RERE: variants seen among roughly 807,000 people sequenced by gnomAD.
RERE encodes arginine-glutamic acid dipeptide repeats.
In RERE, 40 loss-of-function variants were observed where a neutral mutation model predicts 146.1. That is an observed-to-expected ratio of 0.27 (90% CI 0.21 to 0.36). RERE has a LOEUF of 0.36. RERE is among the 10% of genes least tolerant of loss of function. The pLI, the probability that RERE is intolerant of heterozygous loss-of-function variation, is 1.00. For missense variants in RERE, 1,933 were observed against 2,138.7 expected (o/e 0.90, Z 1.90); for synonymous variants, 1,003 against 866.0 (o/e 1.16, Z -2.78).
chr1:8,580,106 GACA>G (rs1646345736), intron 4 of RERE, among the ~76,000 whole-genome samples: 2 of 152,202 alleles, frequency 1.3e-5, no homozygotes, highest in African/African-American at 4.8e-5. Flanking sequence ...TGACATTATA[GACA>G]ACGTCAAGTA....
At chr1:8,711,007 A>T (rs1410278243) in intron 1 of RERE, among the ~76,000 whole-genome samples, 1 of 151,774 alleles carries the variant, frequency 6.6e-6, no homozygotes, top group Non-Finnish European at 1.5e-5. Flanking sequence ...AATTACAAAA[A>T]TTAGCTGGGC....
At chr1:8,393,135 A>G (rs1003838861) in intron 12 of RERE, among the ~76,000 whole-genome samples, 3 of 152,140 alleles carry the variant, frequency 2.0e-5, no homozygotes, top group African/African-American at 7.2e-5. Context: ...CAAAGACTCA[A>G]CCTACCAAGA....
intron 1 of RERE, among the ~76,000 whole-genome samples, chr1:8,800,372 G>A (rs1000212536): frequency 7.2e-5 from 11 of 152,036 alleles, no homozygotes. Context: ...ATTTAAATGT[G>A]TTTTAAAAAT....
intron 7 of RERE, among the ~76,000 whole-genome samples, chr1:8,539,995 T>G (rs1443261697): frequency 6.6e-6 from 1 of 152,210 alleles, no homozygotes; most frequent in Non-Finnish European, 1.5e-5. Flanking sequence ...TCTAGAAAAA[T>G]GTTCTCAATA....
At chr1:8,582,553 C>G (rs576854224) in intron 4 of RERE, among the ~76,000 whole-genome samples, 2 of 152,000 alleles carry the variant, frequency 1.3e-5, no homozygotes, top group African/African-American at 4.8e-5. Context: ...TTAAGGGTTA[C>G]TTTCTAAACC....
At chr1:8,640,012 G>C (rs1381188608) in intron 2 of RERE, among the ~76,000 whole-genome samples, 1 of 152,110 alleles carries the variant, frequency 6.6e-6, no homozygotes, top group Non-Finnish European at 1.5e-5. Flanking sequence ...GCACAGCTAG[G>C]CATGGTGATA....
intron 1 of RERE, among the ~76,000 whole-genome samples, chr1:8,726,147 CTTTTTTTTTTTTTTTTT>C (rs70985511): frequency 1.4e-5 from 1 of 69,406 alleles, no homozygotes; most frequent in Admixed American, 2.1e-4. Context: ...TTTTTCTTTT[CTTTTTTTTTTTTTTTTT>C]TTTTTTTTGA....
chr1:8,668,846 G>A (rs1294192279), intron 1 of RERE, among the ~76,000 whole-genome samples: 4 of 152,068 alleles, frequency 2.6e-5, no homozygotes, highest in African/African-American at 9.7e-5. Context: ...GGCTGCTTCT[G>A]GGAATGATGA....
chr1:8,367,603 G>C (rs1431895814), intron 12 of RERE, among the ~76,000 whole-genome samples: 1 of 152,052 alleles, frequency 6.6e-6, no homozygotes, highest in Non-Finnish European at 1.5e-5. Flanking sequence ...GAGCCATCTC[G>C]GGACAAGCAC....
intron 1 of RERE, among the ~76,000 whole-genome samples, chr1:8,696,298 C>T (rs1024101450): frequency 6.6e-6 from 1 of 152,172 alleles, no homozygotes; most frequent in Non-Finnish European, 1.5e-5. Context: ...TAGGAACCCA[C>T]CAATGATGGA....
intron 11 of RERE, among the ~76,000 whole-genome samples, chr1:8,445,300 T>C (rs923549341): frequency 6.6e-6 from 1 of 152,196 alleles, no homozygotes; most frequent in Non-Finnish European, 1.5e-5. Context: ...ATGGAAGATC[T>C]TGCCGTATGT....
At chr1:8,626,737 TTAAG>T (rs1369793254) in intron 2 of RERE, among the ~76,000 whole-genome samples, 8 of 152,182 alleles carry the variant, frequency 5.3e-5, no homozygotes, top group Non-Finnish European at 1.0e-4. Flanking sequence ...CCCTAAATCC[TTAAG>T]TAATACTCTT....
intron 4 of RERE, among the ~76,000 whole-genome samples, chr1:8,591,076 C>T (rs556681653): frequency 5.3e-5 from 8 of 152,260 alleles, no homozygotes; most frequent in African/African-American, 1.9e-4. Context: ...AAGAGGAAAG[C>T]CAGCAGACCT....
Position 8,364,925 on chromosome 1 carries a change from A to C in RERE, c.1448-87T>G. ...GCCGGTGGGGTGGGGGGGAGGGGGG[A>C]ACACCTGTGACCTCTGGCCTACTGC... On this transcript the variant is annotated intron_variant, in intron 13 of 22. Transcript: ENST00000400908. The surrounding 1 kb of genome is among the most constrained non-coding windows in gnomAD (Gnocchi z 5.1). The C allele has an allele frequency of 1.2e-4, 10 of 80,830 alleles. No individual in the cohort carries two copies. In the East Asian group the frequency reaches 4.6e-3, roughly 37 times the overall value. The allele number at this position is 80,830 out of a possible 1,614,324, so 5.0% of individuals were successfully genotyped here. A position where few individuals can be genotyped will look rare whatever the true frequency, so the allele number is the denominator to read the frequency against.
Position 8,533,348 on chromosome 1 carries a change from T to C in RERE, c.830+7866A>G, listed in dbSNP as rs374402040. On this transcript the variant is annotated intron_variant, in intron 7 of 22. Transcript: ENST00000400908. ...CTTTTACACAGTCTCTTTCTGAAGCTTCCAGTATTTGAAGTTCTCGGGTGT... is the reference window on the plus strand; with the variant it reads ...CTTTTACACAGTCTCTTTCTGAAGCCTCCAGTATTTGAAGTTCTCGGGTGT... Among the ~76,000 whole-genome samples, 171 of 152,304 alleles carry C rather than the reference T, an allele frequency of 1.1e-3. 1 individual carries two copies. In the South Asian group the frequency reaches 0.034, roughly 31 times the overall value.
At chr1:8,816,525 TC>T (rs1641915892) in intron 1 of RERE, among the ~76,000 whole-genome samples, 3 of 151,922 alleles carry the variant, frequency 2.0e-5, no homozygotes, top group African/African-American at 7.3e-5. Flanking sequence ...GCAACACTTT[TC>T]CCCCCTCCTA....
intron 11 of RERE, among the ~76,000 whole-genome samples, chr1:8,431,138 G>A (rs1644090386): frequency 6.6e-6 from 1 of 152,192 alleles, no homozygotes; most frequent in South Asian, 2.1e-4. Context: ...CCAGTCCCCA[G>A]GGTACAAACC....
chr1:8,724,572 C>T (rs1639921735), intron 1 of RERE, among the ~76,000 whole-genome samples: 1 of 152,048 alleles, frequency 6.6e-6, no homozygotes, highest in Non-Finnish European at 1.5e-5. Flanking sequence ...TCTGGCCGGG[C>T]GCGGTGGCTC....
chr1:8,477,265 G>A (rs1276065968), intron 10 of RERE, among the ~76,000 whole-genome samples: 1 of 152,186 alleles, frequency 6.6e-6, no homozygotes, highest in East Asian at 1.9e-4. Context: ...CTCCACAGAC[G>A]CAGTCAATAA....
Sources: allele counts gnomAD v4.1 joint callset (sites outside exome capture counted in the v4.1 genomes callset), GRCh38; gene constraint gnomAD v4.1.1; non-coding constraint Gnocchi (gnomAD v3.1); transcripts MANE v1.5; gene names NCBI Gene and HGNC (gene_info 2026-07-23, HGNC 2026-07-21).